Variants in RBM26 observed in about 807,000 individuals in gnomAD.
The protein encoded by RBM26 is RNA-binding protein 26.
A neutral mutation model predicts 123.6 loss-of-function variants in RBM26; 30 were observed. That is an observed-to-expected ratio of 0.24 (90% CI 0.18 to 0.33). The LOEUF (loss-of-function observed/expected upper bound fraction) is 0.33, where lower values mean the gene tolerates loss of function less well. Among genes scored for constraint, RBM26 ranks in the 10% least tolerant of loss-of-function variants. RBM26 has a pLI of 1.00. For missense variants in RBM26, 947 were observed against 1,203.6 expected (o/e 0.79, Z 3.15); for synonymous variants, 400 against 404.4 (o/e 0.99, Z 0.13).
chr13:79,333,711 C>G (rs1419836767), intron 20 of RBM26, among the ~76,000 whole-genome samples: 2 of 151,864 alleles, frequency 1.3e-5, no homozygotes, highest in Non-Finnish European at 2.9e-5. Context: ...TTTTTTTAAT[C>G]TTTGAAACCC....
In RBM26 at chr13:79,320,066, T is replaced by A. The variant is rs1006569546; in HGVS notation, c.*555A>T. 2.0e-6 allele frequency: 2 copies of A among 977,390 alleles called. No homozygotes were observed. Among genetic ancestry groups the A allele is most frequent in the Non-Finnish European group, 2.4e-6 (2 of 824,926 alleles). The allele number at this position is 977,390 out of a possible 1,614,324, so 60.5% of individuals were successfully genotyped here. On this transcript the variant is annotated 3_prime_UTR_variant, in exon 22 of 22. Transcript: ENST00000438737. ...ATGCATAAGGACTCATGTAAAGCAG[T>A]CATACACCATTATCATTAAAACCCA...
At chr13:79,354,664 A>C (rs899274440) in intron 12 of RBM26, 94 bp from the exon 13 acceptor site, 1 of 1,154,882 alleles carries the variant, frequency 8.7e-7, no homozygotes, top group Non-Finnish European at 1.1e-6. Flanking sequence ...CCATGCAGAG[A>C]AAGTTTTTAA....
intron 3 of RBM26, among the ~76,000 whole-genome samples, chr13:79,374,328 G>C (rs901349296): frequency 3.3e-5 from 5 of 152,012 alleles, no homozygotes; most frequent in African/African-American, 1.2e-4. Context: ...AATTAGCTGG[G>C]CATGGTGGCA....
rs370033310 is a variant in RBM26 at position 79,337,216 on chromosome 13, C to T, written c.2619G>A (p.Gly873=). 1.2e-6 allele frequency: 2 copies of T among 1,614,004 alleles called. No individual in the cohort carries two copies. Among genetic ancestry groups the T allele is most frequent in the Admixed American group, 1.7e-5 (1 of 59,990 alleles). Residue 873 remains glycine (G), a synonymous_variant, in exon 19 of 22, where the codon GGG becomes GGA. Transcript: ENST00000438737. ...GRGAVHGRGR[G]RGRGRGVPGH... The stretch of plus-strand genomic sequence containing the variant: ...CAGGCACACCTCGCCCTCGCCCTCG[C>T]CCCCTGCCTCGGCCATGAACTGCAC...
intron 3 of RBM26, among the ~76,000 whole-genome samples, chr13:79,375,089 T>TATATATTTATATATCATATAA (rs1555332809): frequency 3.2e-5 from 3 of 94,982 alleles, no homozygotes; most frequent in Non-Finnish European, 6.7e-5. Flanking sequence ...TATATATAAA[T>TATATATTTATATATCATATAA]ATATATTTAT....
intron 18 of RBM26, among the ~76,000 whole-genome samples, chr13:79,339,393 T>C (rs897838630): frequency 2.6e-5 from 4 of 152,070 alleles, no homozygotes; most frequent in African/African-American, 7.2e-5. Flanking sequence ...TACTTGAAAA[T>C]TGCTGAGAGA....
At chr13:79,323,215 G>A (rs1451419004) in intron 20 of RBM26, among the ~76,000 whole-genome samples, 2 of 144,660 alleles carry the variant, frequency 1.4e-5, no homozygotes, top group South Asian at 2.2e-4. Context: ...CATGAACTAA[G>A]GTAAATCAGT....
chr13:79,354,282 T>TAA (rs11313343), intron 13 of RBM26, among the ~76,000 whole-genome samples, 157 bp downstream of exon 13: 2 of 138,958 alleles, frequency 1.4e-5, no homozygotes, highest in African/African-American at 2.7e-5. Context: ...TGGTAAAAAT[T>TAA]AAAAAAAAAA....
rs913751358 is a variant in RBM26 at position 79,377,505 on chromosome 13, T to C, written c.201A>G (p.Ile67Met). The C allele has an allele frequency of 1.2e-6, 2 of 1,609,048 alleles. No homozygotes were observed. Among genetic ancestry groups the C allele is most frequent in the South Asian group, 2.2e-5 (2 of 90,880 alleles). The change falls in exon 3 of 22, where the codon ATA becomes ATG. Residue 67 changes from isoleucine (I) to methionine (M), a missense_variant. Physicochemically the swap from Ile to Met is conservative, Grantham distance 10. Coordinates refer to ENST00000438737, the MANE Select transcript of RBM26 (RefSeq NM_001366735.2). The part of the protein sequence containing the change: ...LDVFLQKETQ[I>M]FVEKLFDAVN... ...CAGCATCAAAAAGTTTTTCCACAAA[T>C]ATCTGTGTCTCTAAAAATAAAACCA...
At chr13:79,376,513 T>C (rs2076681988) in intron 3 of RBM26, 1 of 152,168 alleles carries the variant, frequency 6.6e-6, no homozygotes, top group Non-Finnish European at 1.5e-5. Context: ...CAAATTATAA[T>C]CTTTTAACAT....
At chr13:79,328,243 T>G (rs1038411147) in intron 20 of RBM26, among the ~76,000 whole-genome samples, 1 of 152,082 alleles carries the variant, frequency 6.6e-6, no homozygotes, top group Non-Finnish European at 1.5e-5. Flanking sequence ...GACAAACTAC[T>G]GAGTTTAGAA....
intron 1 of RBM26, among the ~76,000 whole-genome samples, chr13:79,402,638 C>CT (rs1444117983): frequency 6.6e-6 from 1 of 152,080 alleles, no homozygotes; most frequent in African/African-American, 2.4e-5. Context: ...TCCAACATAT[C>CT]TTTTTTGTCC....
At chr13:79,358,868 G>A (rs914489895) in intron 10 of RBM26, among the ~76,000 whole-genome samples, 5 of 151,406 alleles carry the variant, frequency 3.3e-5, no homozygotes, top group Admixed American at 1.3e-4. Flanking sequence ...CCTCTTTCCC[G>A]CTTTATTTAA....
At position 79,400,864 on chromosome 13, in the gene RBM26, T is replaced by C. The variant is rs1055590527; in HGVS notation, c.71+4840A>G. 1.2e-4 allele frequency among the ~76,000 whole-genome samples: 18 copies of C among 152,214 alleles called. 1 individual carries two copies. Among genetic ancestry groups the C allele is most frequent in the Admixed American group, 5.9e-4 (9 of 15,278 alleles). On this transcript the variant is annotated intron_variant, in intron 1 of 21. Coordinates refer to ENST00000438737, the MANE Select transcript of RBM26 (RefSeq NM_001366735.2). ...ATTATATTACAACGAAGAAATTCTA[T>C]TCCAAGACATTAAGAAGTAAATGGC... is the stretch of plus-strand genomic sequence containing the variant.
intron 9 of RBM26, among the ~76,000 whole-genome samples, chr13:79,360,166 C>T (rs1339471887): frequency 1.3e-5 from 2 of 151,972 alleles, no homozygotes; most frequent in Non-Finnish European, 2.9e-5. Flanking sequence ...TGTTGTTTAG[C>T]TCTTACTGTG....
At chr13:79,348,982 C>CAT (rs2072769373) in intron 14 of RBM26, among the ~76,000 whole-genome samples, 1 of 152,068 alleles carries the variant, frequency 6.6e-6, no homozygotes, top group Non-Finnish European at 1.5e-5. Flanking sequence ...TATGATGGGG[C>CAT]TATATCCATT....
chr13:79,365,506 A>G, intron 9 of RBM26, 72 bp downstream of exon 9: 1 of 1,238,112 alleles, frequency 8.1e-7, no homozygotes, highest in Non-Finnish European at 1.2e-6. Flanking sequence ...GGCAAGACCA[A>G]CTGTTCTTTA....
In RBM26 at chr13:79,355,322, C is replaced by T; in HGVS notation, c.1752G>A (p.Lys584=). ...LIQFATYEEA[K]KAISSTEAVL... is the part of the protein sequence containing the mutation. ...CTGCTTCCGTACTTGATATTGCTTT[C>T]TTTGCTTCTTCGTATGTTGCAAATT... The change falls in exon 12 of 22, where the codon AAG becomes AAA. Residue 584 remains lysine, a synonymous_variant. Coordinates refer to ENST00000438737, the MANE Select transcript of RBM26 (RefSeq NM_001366735.2). 3.7e-6 allele frequency: 6 copies of T among 1,613,860 alleles called. No individual in the cohort carries two copies. The highest frequency in any genetic ancestry group is 5.1e-6 in the Non-Finnish European group (6 of 1,179,782).
chr13:79,326,490 T>C (rs142783759), intron 20 of RBM26, among the ~76,000 whole-genome samples: 89 of 152,238 alleles, frequency 5.8e-4, no homozygotes, highest in African/African-American at 2.1e-3. Context: ...TAGTATCAGA[T>C]GAAGATAAAA....
Sources: gnomAD v4.1 joint callset for allele counts (sites outside exome capture counted in the v4.1 genomes callset) on GRCh38, gnomAD v4.1.1 for gene constraint, MANE v1.5 for transcripts, NCBI Gene and HGNC (gene_info 2026-07-23, HGNC 2026-07-21) for gene names.